Variants in BLOC1S3 observed in about 807,000 individuals in gnomAD.
BLOC1S3 encodes biogenesis of lysosome-related organelles complex 1 subunit 3.
A neutral mutation model predicts 9.1 loss-of-function variants in BLOC1S3; 7 were observed. The ratio of observed to expected loss-of-function variants is 0.77; its 90% CI spans 0.44 to 1.45. The LOEUF is 1.45. Ranked by LOEUF, BLOC1S3 falls within the 40% of genes most tolerant of loss-of-function variation. The pLI is 0.01. For missense variants in BLOC1S3, 307 were observed against 315.2 expected, an observed-to-expected ratio of 0.97 and a Z score of 0.20; for synonymous variants, 145 against 158.4, an observed-to-expected ratio of 0.92 and a Z score of 0.64.
At chr19:45,196,564 G>T (rs1310761513) in intron 2 of BLOC1S3, among the ~76,000 whole-genome samples, 2 of 152,050 alleles carry the variant, frequency 1.3e-5, no homozygotes, top group South Asian at 2.1e-4. Flanking sequence ...TGAGCAGGAG[G>T]CAGGGGTCTT....
rs753358808 is a variant in BLOC1S3 at position 45,216,216 on chromosome 19, G to T, written n.283-460G>T. ...ACTCCTGCAGGGGAGGGAGGGTGCG[G>T]GGTCACACCCTCCCAAGATTGACCC... is the stretch of plus-strand genomic sequence containing the variant. On this transcript the variant is annotated intron_variant and non_coding_transcript_variant, in intron 3 of 3. Transcript: ENST00000591569. 4 of 1,611,982 alleles carry T rather than the reference G, an allele frequency of 2.5e-6. No homozygotes were observed. In the African/African-American group the frequency reaches 5.3e-5, roughly 22 times the overall value.
downstream of BLOC1S3, among the ~76,000 whole-genome samples, chr19:45,183,205 C>T (rs761585893): frequency 3.9e-5 from 6 of 151,962 alleles, no homozygotes; most frequent in Admixed American, 6.6e-5. Context: ...ATTGGCTGTG[C>T]GCAGTGGCTC....
intron 2 of BLOC1S3, among the ~76,000 whole-genome samples, chr19:45,195,845 T>A (rs1421867587): frequency 6.6e-6 from 1 of 152,212 alleles, no homozygotes; most frequent in Non-Finnish European, 1.5e-5. Context: ...TCCACCCGCC[T>A]TGGCCTCCCA....
chr19:45,179,582 A>G lies in BLOC1S3; in HGVS notation c.286A>G (p.Thr96Ala). ...GGAATCGGCGGAGGAGGCCTGGGGC[A>G]CGGAGGAGGCCCCGGCGCCCGCCCC... ...QRESAEEAWG[T>A]EEAPAPAPAR... The change falls in exon 2 of 2, where the codon ACG becomes GCG. Residue 96 changes from threonine (T) to alanine (A), a missense_variant. Physicochemically the swap from Thr to Ala is moderately conservative, Grantham distance 58. Transcript: ENST00000433642. The surrounding 1 kb of genome is among the most constrained non-coding windows in gnomAD (Gnocchi z 4.6). 6.7e-7 allele frequency: 1 copy of G among 1,497,114 alleles called. No homozygotes were observed. The highest frequency in any genetic ancestry group is 8.8e-7 in the Non-Finnish European group (1 of 1,130,310). The allele number at this position is 1,497,114 out of a possible 1,614,324, so 92.7% of individuals were successfully genotyped here.
intron 2 of BLOC1S3, among the ~76,000 whole-genome samples, chr19:45,201,801 G>A (rs1969692606): frequency 6.6e-6 from 1 of 152,164 alleles, no homozygotes. Flanking sequence ...TGGGAGATAA[G>A]TGAGTCATGG....
At chr19:45,207,906 ATGT>A (rs1381494379) in intron 3 of BLOC1S3, among the ~76,000 whole-genome samples, 1 of 152,056 alleles carries the variant, frequency 6.6e-6, no homozygotes, top group Non-Finnish European at 1.5e-5. Flanking sequence ...TCCTGTTTTG[ATGT>A]TGTATTACAG....
intron 3 of BLOC1S3, chr19:45,212,942 G>T: frequency 1.8e-6 from 2 of 1,115,260 alleles, no homozygotes; most frequent in Non-Finnish European, 2.4e-6. Context: ...TGGGTGAAAA[G>T]ACATCTAAGG....
chr19:45,190,982 T>C (rs1173958434), intron 2 of BLOC1S3, among the ~76,000 whole-genome samples: 2 of 150,430 alleles, frequency 1.3e-5, no homozygotes, highest in African/African-American at 4.9e-5. Context: ...ATTTTTTGTT[T>C]TTTTAGTAGA....
intron 2 of BLOC1S3, among the ~76,000 whole-genome samples, chr19:45,188,489 A>G (rs961344044): frequency 1.3e-5 from 2 of 150,776 alleles, no homozygotes; most frequent in Non-Finnish European, 3.0e-5. Flanking sequence ...TAGTTACTTT[A>G]AAATGTACAA....
chr19:45,184,840 C>T (rs539127268), downstream of BLOC1S3, among the ~76,000 whole-genome samples: 528 of 128,072 alleles, frequency 4.1e-3, 2 homozygotes, highest in Non-Finnish European at 6.4e-3. Flanking sequence ...GTGGAGCGTG[C>T]GGTGAGCCAA....
chr19:45,213,229 C>T (rs367776193), intron 3 of BLOC1S3: 65 of 1,611,954 alleles, frequency 4.0e-5, no homozygotes, highest in African/African-American at 1.7e-4. Context: ...AAAGAAGGCA[C>T]GGTCCCGAGG....
Position 45,179,238 on chromosome 19 carries a change from C to T in BLOC1S3, c.-9-50C>T, listed in dbSNP as rs1042028170. 4 of 1,448,998 alleles carry T rather than the reference C, an allele frequency of 2.8e-6. No individual in the cohort carries two copies. The highest frequency in any genetic ancestry group is 3.6e-6 in the Non-Finnish European group (4 of 1,103,908). 89.8% of individuals were successfully genotyped at this position (1,448,998 alleles called of 1,614,324 possible). ...GGGAATCCAGGACCTGCGCCTTTTACCCACCGCGGCGCCGGTCTCACGTGC... is the reference window on the plus strand; with the variant it reads ...GGGAATCCAGGACCTGCGCCTTTTATCCACCGCGGCGCCGGTCTCACGTGC... On this transcript the variant is annotated intron_variant, in intron 1 of 1. Transcript: ENST00000433642. This position sits in a 1 kb window ranked among gnomAD's most constrained non-coding sequence, Gnocchi z 4.6.
chr19:45,205,778 C>T (rs598183), intron 3 of BLOC1S3, among the ~76,000 whole-genome samples: 40,396 of 151,858 alleles, frequency 0.27, 6,424 homozygotes, highest in African/African-American at 0.42. Context: ...TTTTAAGAAC[C>T]CTTAAAAGTC....
chr19:45,202,172 A>G (rs930754234), intron 2 of BLOC1S3, among the ~76,000 whole-genome samples: 2 of 131,394 alleles, frequency 1.5e-5, no homozygotes, highest in African/African-American at 5.7e-5. Context: ...AGACTGTGCC[A>G]CTGCACTCCA....
At position 45,180,216 on chromosome 19, in the gene BLOC1S3, C is replaced by T; in HGVS notation, c.*311C>T. Reference sequence around the variant, plus strand: ...TACATAGTTGCTCCTTAATCTGTTTCCACCCTGGGGGCTCACCAATTTTTT... The same window carrying T: ...TACATAGTTGCTCCTTAATCTGTTTTCACCCTGGGGGCTCACCAATTTTTT... On this transcript the variant is annotated 3_prime_UTR_variant, in exon 2 of 2. Coordinates refer to ENST00000433642, the MANE Select transcript of BLOC1S3 (RefSeq NM_212550.5). 3.3e-6 allele frequency: 1 copy of T among 300,044 alleles called. No individual in the cohort carries two copies. Among genetic ancestry groups the T allele is most frequent in the Non-Finnish European group, 6.3e-6 (1 of 157,532 alleles). The allele number at this position is 300,044 out of a possible 1,614,324, so 18.6% of individuals were successfully genotyped here. A position where few individuals can be genotyped will look rare whatever the true frequency, so the allele number is the denominator to read the frequency against.
chr19:45,201,385 T>G (rs1351565866), intron 2 of BLOC1S3, among the ~76,000 whole-genome samples: 1 of 152,122 alleles, frequency 6.6e-6, no homozygotes, highest in Non-Finnish European at 1.5e-5. Context: ...CAAGTACCCT[T>G]GTGGCCACCA....
At position 45,181,729 on chromosome 19, in the gene BLOC1S3, G is replaced by A. The variant is rs1208779488; in HGVS notation, c.*1824G>A. On this transcript the variant is annotated 3_prime_UTR_variant, in exon 2 of 2. Transcript: ENST00000433642. ...GTCCCTCATCTCAACCCGAAGCCAA[G>A]ATCTGAGCCCCCAAGATGGAGAATG... 6.0e-6 allele frequency: 1 copy of A among 167,088 alleles called. No homozygotes were observed. The highest frequency in any genetic ancestry group is 2.4e-5 in the African/African-American group (1 of 41,438). The allele number at this position is 167,088 out of a possible 1,614,324, so 10.4% of individuals were successfully genotyped here. A position where few individuals can be genotyped will look rare whatever the true frequency, so the allele number is the denominator to read the frequency against.
rs186734948 is a variant in BLOC1S3 at position 45,206,176 on chromosome 19, C to T, written n.282+3669C>T. On this transcript the variant is annotated intron_variant and non_coding_transcript_variant, in intron 3 of 3. Transcript: ENST00000591569. ...CAGCCTGGCCAACATGGTTAAACCC[C>T]GTATCTAGTAAAAAAATATATATAC... 6.6e-5 allele frequency among the ~76,000 whole-genome samples: 10 copies of T among 151,920 alleles called. No homozygotes were observed. The East Asian group carries it at 7.7e-4, about 12-fold the overall frequency.
In BLOC1S3 at chr19:45,179,930, C is replaced by T; in HGVS notation, c.*25C>T. On this transcript the variant is annotated 3_prime_UTR_variant, in exon 2 of 2. Coordinates refer to ENST00000433642, the MANE Select transcript of BLOC1S3 (RefSeq NM_212550.5). The surrounding 1 kb of genome is among the most constrained non-coding windows in gnomAD (Gnocchi z 4.6). Reference sequence around the variant, plus strand: ...GCCATGATTCTACTTCCCAACCTGACTGCAATTTGGGGGTAGGCCTTGCTG... The same window carrying T: ...GCCATGATTCTACTTCCCAACCTGATTGCAATTTGGGGGTAGGCCTTGCTG... 6.2e-7 allele frequency: 1 copy of T among 1,602,218 alleles called. No homozygotes were observed. Among genetic ancestry groups the T allele is most frequent in the Non-Finnish European group, 8.5e-7 (1 of 1,174,520 alleles).
Sources: allele counts gnomAD v4.1 joint callset (sites outside exome capture counted in the v4.1 genomes callset), GRCh38; gene constraint gnomAD v4.1.1; non-coding constraint Gnocchi (gnomAD v3.1); transcripts MANE v1.5; gene names NCBI Gene and HGNC (gene_info 2026-07-23, HGNC 2026-07-21).